Variants in PLCB4 observed in about 807,000 individuals in gnomAD.
PLCB4 encodes 1-phosphatidylinositol 4,5-bisphosphate phosphodiesterase beta-4.
A neutral mutation model predicts 178.8 loss-of-function variants in PLCB4; 77 were observed. That is an observed-to-expected ratio of 0.43 (90% CI 0.36 to 0.52). The LOEUF is 0.52. Among genes scored for constraint, PLCB4 ranks in the 20% least tolerant of loss-of-function variants. The probability of loss-of-function intolerance (pLI) is 0.00; values close to 1 mark genes in which losing one functional copy is unlikely to be tolerated. For synonymous variants in PLCB4, 496 were observed against 490.8 expected, an observed-to-expected ratio of 1.01 and a Z score of -0.14; for missense variants, 1,024 against 1,453.4, an observed-to-expected ratio of 0.70 and a Z score of 4.80.
chr20:9,335,586 T>C (rs2032339588), intron 4 of PLCB4, among the ~76,000 whole-genome samples: 1 of 152,198 alleles, frequency 6.6e-6, no homozygotes, highest in African/African-American at 2.4e-5. Flanking sequence ...GGTAGAGCTA[T>C]TACTTGCTGA....
chr20:9,162,796 T>TA (rs11477489), intron 2 of PLCB4, among the ~76,000 whole-genome samples: 1 of 151,838 alleles, frequency 6.6e-6, no homozygotes, highest in Non-Finnish European at 1.5e-5. Flanking sequence ...TTAGCTCATT[T>TA]AAAAAAAAGC....
rs34634088 is a variant in PLCB4, at chr20:9,126,771, CTT to C, written c.-79+30447_-79+30448del. On this transcript the variant is annotated intron_variant, in intron 2 of 39. Coordinates refer to ENST00000378473, the MANE Select transcript of PLCB4 (RefSeq NM_001377142.1). ...AAGTTTTAACATGTCATTTCATTTG[CTT>C]TTTTTTTTTTTTTTTTTGAGGTCTG... Among the ~76,000 whole-genome samples the C allele has an allele frequency of 5.3e-3, 639 of 119,618 alleles. 4 individuals carry two copies. The highest frequency in any genetic ancestry group is 0.017 in the African/African-American group (546 of 32,852). 78.5% of individuals were successfully genotyped at this position (119,618 alleles called of 152,430 possible). A position where few individuals can be genotyped will look rare whatever the true frequency, so the allele number is the denominator to read the frequency against.
At chr20:9,270,115 A>G (rs1024745955) in intron 3 of PLCB4, among the ~76,000 whole-genome samples, 4 of 152,156 alleles carry the variant, frequency 2.6e-5, no homozygotes, top group South Asian at 2.1e-4. Context: ...ATTCAAGAGA[A>G]ACTACCTGTC....
intron 7 of PLCB4, among the ~76,000 whole-genome samples, chr20:9,339,314 C>T (rs1052651588): frequency 4.6e-5 from 7 of 152,128 alleles, no homozygotes; most frequent in Non-Finnish European, 1.0e-4. Flanking sequence ...CCCCTGAGCT[C>T]TTGTTAAAAT....
intron 2 of PLCB4, among the ~76,000 whole-genome samples, chr20:9,144,690 A>G (rs1600699013): frequency 2.2e-5 from 2 of 92,376 alleles, no homozygotes; most frequent in South Asian, 6.1e-4. Context: ...AAGGAGGGGG[A>G]GGAGGGGAAG....
chr20:9,242,881 G>A (rs1440616505), intron 3 of PLCB4, among the ~76,000 whole-genome samples: 1 of 152,158 alleles, frequency 6.6e-6, no homozygotes, highest in Non-Finnish European at 1.5e-5. Flanking sequence ...AGGTGATGTT[G>A]ATGCGTGCTC....
chr20:9,249,303 G>C (rs1271160384), intron 3 of PLCB4, among the ~76,000 whole-genome samples: 1 of 151,944 alleles, frequency 6.6e-6, no homozygotes, highest in Non-Finnish European at 1.5e-5. Flanking sequence ...CATGTGCCAT[G>C]TTGGTGTGCT....
chr20:9,392,164 A>G (rs1001503551), intron 17 of PLCB4, among the ~76,000 whole-genome samples: 1 of 152,244 alleles, frequency 6.6e-6, no homozygotes, highest in Non-Finnish European at 1.5e-5. Context: ...ACATACTTTT[A>G]CCAGCTGAAG....
At chr20:9,140,062 G>C (rs1489863313) in intron 2 of PLCB4, among the ~76,000 whole-genome samples, 1 of 152,014 alleles carries the variant, frequency 6.6e-6, no homozygotes, top group African/African-American at 2.4e-5. Flanking sequence ...TTTTTCTGGA[G>C]TAATTCTCTC....
chr20:9,443,924 A>C, intron 30 of PLCB4, 57 bp from the exon 31 acceptor site: 1 of 948,126 alleles, frequency 1.1e-6, no homozygotes, highest in South Asian at 1.4e-5. Context: ...CTATATTACC[A>C]GTTATTCTCT....
At position 9,126,771 on chromosome 20, in the gene PLCB4, C is replaced by CT. The variant is rs34634088; in HGVS notation, c.-79+30448dup. On this transcript the variant is annotated intron_variant, in intron 2 of 39. Transcript: ENST00000378473. ...AAGTTTTAACATGTCATTTCATTTGCTTTTTTTTTTTTTTTTTTTGAGGTC... is the reference window on the plus strand; with the variant it reads ...AAGTTTTAACATGTCATTTCATTTGCTTTTTTTTTTTTTTTTTTTTGAGGTC... Among the ~76,000 whole-genome samples, 439 of 119,636 alleles carry CT rather than the reference C, an allele frequency of 3.7e-3. 2 individuals are homozygous for CT. Among genetic ancestry groups the CT allele is most frequent in the Middle Eastern group, 0.018 (4 of 220 alleles). The allele number at this position is 119,636 out of a possible 152,430, so 78.5% of individuals were successfully genotyped here. A position where few individuals can be genotyped will look rare whatever the true frequency, so the allele number is the denominator to read the frequency against.
intron 2 of PLCB4, among the ~76,000 whole-genome samples, chr20:9,107,196 T>C (rs539416899): frequency 6.6e-6 from 1 of 152,304 alleles, no homozygotes; most frequent in South Asian, 2.1e-4. Context: ...ATTTATTTAC[T>C]CGTTCAACAA....
intron 4 of PLCB4, among the ~76,000 whole-genome samples, chr20:9,322,301 C>T (rs6077514): frequency 0.14 from 21,199 of 151,864 alleles, 1,632 homozygotes; most frequent in East Asian, 0.31. Flanking sequence ...CTAGGTAAAA[C>T]ATACTATATG....
intron 3 of PLCB4, among the ~76,000 whole-genome samples, chr20:9,236,552 G>T (rs1008422101): frequency 2.6e-5 from 4 of 152,128 alleles, no homozygotes; most frequent in Non-Finnish European, 5.9e-5. Flanking sequence ...AATCTTTCGT[G>T]TGTGTGTCTG....
At chr20:9,087,855 G>C (rs2090503841) in intron 1 of PLCB4, among the ~76,000 whole-genome samples, 1 of 152,206 alleles carries the variant, frequency 6.6e-6, no homozygotes, top group African/African-American at 2.4e-5. Context: ...TCATATTCCA[G>C]TGGAAGATCA....
chr20:9,394,841 T>G (rs1211416007), intron 18 of PLCB4, among the ~76,000 whole-genome samples: 1 of 152,176 alleles, frequency 6.6e-6, no homozygotes, highest in African/African-American at 2.4e-5. Context: ...AGTGCCTGTT[T>G]CCCACCAATA....
chr20:9,199,041 G>T (rs2093507948), intron 2 of PLCB4, among the ~76,000 whole-genome samples: 1 of 152,162 alleles, frequency 6.6e-6, no homozygotes, highest in Non-Finnish European at 1.5e-5. Context: ...GATAAGGTTG[G>T]TCTATACTCT....
intron 35 of PLCB4, among the ~76,000 whole-genome samples, chr20:9,466,988 A>T (rs1568902332): frequency 6.6e-6 from 1 of 152,214 alleles, no homozygotes; most frequent in African/African-American, 2.4e-5. Flanking sequence ...ACATGTGTTT[A>T]TTGTGGCACT....
In PLCB4 at chr20:9,338,886, C is replaced by T. The variant is rs78678483; in HGVS notation, c.226-8C>T. 3.7e-5 allele frequency: 60 copies of T among 1,611,522 alleles called. 1 individual carries two copies. The East Asian group carries it at 1.2e-3, about 32-fold the overall frequency. ...TATTTTTTTTTCTATCTGTGTACCT[C>T]TATACAGGATCCCAAAATCTTGGCT... On this transcript the variant is annotated splice_region_variant and splice_polypyrimidine_tract_variant and intron_variant, in intron 6 of 39. Coordinates refer to ENST00000378473, the MANE Select transcript of PLCB4 (RefSeq NM_001377142.1).
Sources: gnomAD v4.1 joint callset for allele counts (sites outside exome capture counted in the v4.1 genomes callset) on GRCh38, gnomAD v4.1.1 for gene constraint, MANE v1.5 for transcripts, NCBI Gene and HGNC (gene_info 2026-07-23, HGNC 2026-07-21) for gene names.